Variants in FNBP4 observed in about 807,000 individuals in gnomAD.
FNBP4 encodes formin-binding protein 4.
A neutral mutation model predicts 119.3 loss-of-function variants in FNBP4; 34 were observed. The ratio of observed to expected loss-of-function variants is 0.28; its 90% confidence interval spans 0.22 to 0.38. The LOEUF (loss-of-function observed/expected upper bound fraction) is 0.38, where lower values mean the gene tolerates loss of function less well. Ranked by LOEUF, FNBP4 falls within the 10% of genes least tolerant of loss-of-function variation. The probability of loss-of-function intolerance (pLI) is 1.00; values close to 1 mark genes in which losing one functional copy is unlikely to be tolerated. For synonymous variants in FNBP4, 462 were observed against 430.6 expected, an observed-to-expected ratio of 1.07 and a Z score of -0.90; for missense variants, 1,112 against 1,228.9, an observed-to-expected ratio of 0.90 and a Z score of 1.42.
chr11:47,739,479 A>G (rs2097578750), intron 8 of FNBP4, among the ~76,000 whole-genome samples: 3 of 152,196 alleles, frequency 2.0e-5, no homozygotes, highest in Non-Finnish European at 4.4e-5. Flanking sequence ...CACAGGCTCT[A>G]TTAAATTAGA....
At chr11:47,730,398 C>G (rs2097566000) in intron 12 of FNBP4, among the ~76,000 whole-genome samples, 1 of 152,154 alleles carries the variant, frequency 6.6e-6, no homozygotes, top group East Asian at 1.9e-4. Flanking sequence ...TTGTATGTGA[C>G]CTGCTGACGA....
At chr11:47,745,129 T>C (rs2097587864) in intron 7 of FNBP4, among the ~76,000 whole-genome samples, 1 of 152,188 alleles carries the variant, frequency 6.6e-6, no homozygotes, top group African/African-American at 2.4e-5. Context: ...ACTGTACAAA[T>C]TGATTGTAAA....
intron 9 of FNBP4, among the ~76,000 whole-genome samples, chr11:47,736,034 T>G (rs1186092082): frequency 6.7e-6 from 1 of 150,112 alleles, no homozygotes; most frequent in East Asian, 2.0e-4. Flanking sequence ...GCCGAGATCA[T>G]GCCACTGCAC....
At chr11:47,717,851 C>T (rs1009871803) in intron 16 of FNBP4, among the ~76,000 whole-genome samples, 5 of 151,942 alleles carry the variant, frequency 3.3e-5, no homozygotes, top group African/African-American at 7.2e-5. Flanking sequence ...CAGGTTCAAG[C>T]GATTCTCCTG....
Position 47,723,054 on chromosome 11 carries a change from A to T in FNBP4, c.2727T>A (p.Pro909=), listed in dbSNP as rs546179833. 176 of 1,585,620 alleles carry T rather than the reference A, an allele frequency of 1.1e-4. No homozygotes were observed. Among genetic ancestry groups the T allele is most frequent in the Non-Finnish European group, 1.4e-4 (167 of 1,165,484 alleles). Residue 909 remains proline, a synonymous_variant, in exon 15 of 17, where the codon CCT becomes CCA. Transcript: ENST00000263773. Reference sequence around the variant, plus strand: ...GTGGTGGTGGAGGAGGAGGAGGAGGAGGTGGTGGTGGTGGTTCTATAATGG... The same window carrying T: ...GTGGTGGTGGAGGAGGAGGAGGAGGTGGTGGTGGTGGTGGTTCTATAATGG... The part of the protein sequence containing the change: ...TATIIEPPPP[P]PPPPPPPPPA...
At chr11:47,740,401 G>C (rs577165726) in intron 8 of FNBP4, among the ~76,000 whole-genome samples, 3 of 150,640 alleles carry the variant, frequency 2.0e-5, no homozygotes, top group Admixed American at 2.0e-4. Context: ...GACAGAGTGA[G>C]ACCCCGTCTC....
chr11:47,728,531 T>C (rs1203399751), intron 12 of FNBP4, among the ~76,000 whole-genome samples: 3 of 151,908 alleles, frequency 2.0e-5, no homozygotes, highest in East Asian at 3.9e-4. Flanking sequence ...AGCCGTGAGC[T>C]GTAATTTTTC....
chr11:47,737,722 A>G (rs1410946366), intron 8 of FNBP4, among the ~76,000 whole-genome samples: 1 of 149,448 alleles, frequency 6.7e-6, no homozygotes, highest in African/African-American at 2.5e-5. Context: ...TTATAGGTGT[A>G]AGCCACTGCA....
Position 47,729,376 on chromosome 11 carries a change from G to T in FNBP4, c.2008+1998C>A, listed in dbSNP as rs186905440. The stretch of plus-strand genomic sequence containing the variant: ...ATATCTTGAACCCAACTCATCTTTA[G>T]AATCCACTCCATCTTTAAAAACATA... On this transcript the variant is annotated intron_variant, in intron 12 of 16. Coordinates refer to ENST00000263773, the MANE Select transcript of FNBP4 (RefSeq NM_015308.5). 2.5e-3 allele frequency: 2,422 copies of T among 985,302 alleles called. 3 individuals carry two copies. Among genetic ancestry groups the T allele is most frequent in the Non-Finnish European group, 2.8e-3 (2,327 of 829,858 alleles). The allele number at this position is 985,302 out of a possible 1,614,324, so 61.0% of individuals were successfully genotyped here.
rs1324800513 is a variant in FNBP4, at chr11:47,751,033, A to G, written c.789T>C (p.Ser263=). Residue 263 remains serine (S), a synonymous_variant, in exon 6 of 17, where the codon TCT becomes TCC. Transcript: ENST00000263773. The stretch of plus-strand genomic sequence containing the variant: ...CAAAACTAGTTTCAGCACCTGGCAC[A>G]GAACTAAAAAAATATATACTTAGCA... The part of the protein sequence containing the change: ...VQGLQHYQPS[S]VPGAETSFVV... The G allele has an allele frequency of 6.2e-7, 1 of 1,613,464 alleles. No homozygotes were observed. The highest frequency in any genetic ancestry group is 8.5e-7 in the Non-Finnish European group (1 of 1,179,852).
chr11:47,718,905 G>GC, intron 16 of FNBP4, among the ~76,000 whole-genome samples: 1 of 130,358 alleles, frequency 7.7e-6, no homozygotes, highest in East Asian at 2.2e-4. Flanking sequence ...CACCCAACAT[G>GC]TTTTTTTTTT....
At chr11:47,756,017 T>TA (rs1237275400) in intron 2 of FNBP4, among the ~76,000 whole-genome samples, 1 of 152,198 alleles carries the variant, frequency 6.6e-6, no homozygotes, top group African/African-American at 2.4e-5. Context: ...CTTTCAAAGT[T>TA]AAAAACGAAG....
At chr11:47,747,871 C>T (rs1294320584) in intron 6 of FNBP4, among the ~76,000 whole-genome samples, 1 of 151,926 alleles carries the variant, frequency 6.6e-6, no homozygotes, top group African/African-American at 2.4e-5. Flanking sequence ...TCGCTTGAAC[C>T]TGGGAGGCAG....
chr11:47,752,642 T>C (rs1362373249), intron 4 of FNBP4: 1 of 269,974 alleles, frequency 3.7e-6, no homozygotes, highest in Non-Finnish European at 7.1e-6. Context: ...AAACCACGTC[T>C]CTACTAAAAT....
At chr11:47,720,664 CCCTAT>C (rs2097554652) in intron 15 of FNBP4, among the ~76,000 whole-genome samples, 1 of 151,762 alleles carries the variant, frequency 6.6e-6, no homozygotes, top group African/African-American at 2.4e-5. Context: ...CCTTTAACCT[CCCTAT>C]CCTATGTAAT....
intron 6 of FNBP4, among the ~76,000 whole-genome samples, chr11:47,749,203 T>C (rs1168627736): frequency 1.3e-5 from 2 of 151,392 alleles, no homozygotes; most frequent in African/African-American, 4.9e-5. Flanking sequence ...CTCAGGAGAG[T>C]AAATCTGCAG....
chr11:47,752,742 AG>A, intron 4 of FNBP4, 173 bp downstream of exon 4: 1 of 550,900 alleles, frequency 1.8e-6, no homozygotes, highest in East Asian at 3.0e-5. Flanking sequence ...TGAACCCAGG[AG>A]GTGGAGGTTG....
chr11:47,726,884 T>C (rs1175893014), intron 12 of FNBP4: 1 of 152,208 alleles, frequency 6.6e-6, no homozygotes, highest in African/African-American at 2.4e-5. Context: ...CTATTTTCTT[T>C]CTTTTTTTTA....
intron 6 of FNBP4, among the ~76,000 whole-genome samples, chr11:47,749,656 T>C (rs1193237417): frequency 6.6e-6 from 1 of 152,200 alleles, no homozygotes; most frequent in Non-Finnish European, 1.5e-5. Flanking sequence ...GGAATACAAC[T>C]TACTTTTCTT....
Sources: gnomAD v4.1 joint callset for allele counts (sites outside exome capture counted in the v4.1 genomes callset) on GRCh38, gnomAD v4.1.1 for gene constraint, MANE v1.5 for transcripts, NCBI Gene and HGNC (gene_info 2026-07-23, HGNC 2026-07-21) for gene names.